The following PIGU variants were observed in gnomAD, a reference collection of about 807,000 sequenced individuals.
PIGU encodes GPI-anchor transamidase component PIGU.
PIGU carries 24 observed loss-of-function variants against 49.9 expected under a neutral mutation model. That is an observed-to-expected ratio of 0.48 (90% confidence interval 0.35 to 0.68). The LOEUF is 0.68. Ranked by LOEUF, PIGU falls within the 30% of genes least tolerant of loss-of-function variation. The pLI, the probability that PIGU is intolerant of heterozygous loss-of-function variation, is 0.01. For missense variants in PIGU, 490 were observed against 532.6 expected (o/e 0.92, Z 0.79); for synonymous variants, 220 against 205.7 (o/e 1.07, Z -0.59).
chr20:34,632,391 C>T lies in PIGU; in HGVS notation c.529+2224G>A, dbSNP rs1276535400. Among the ~76,000 whole-genome samples, 12 of 146,224 alleles carry T rather than the reference C, an allele frequency of 8.2e-5. No individual in the cohort carries two copies. The South Asian group carries it at 1.9e-3, about 24-fold the overall frequency. ...TATACCCTTTTTTTTTTTTTTGAGACGGAGTCTCACTCTGTCGCCCATGCT... is the reference window on the plus strand; with the variant it reads ...TATACCCTTTTTTTTTTTTTTGAGATGGAGTCTCACTCTGTCGCCCATGCT... On this transcript the variant is annotated intron_variant, in intron 6 of 11. Coordinates refer to ENST00000217446, the MANE Select transcript of PIGU (RefSeq NM_080476.5).
chr20:34,580,684 A>G (rs1459651024), intron 10 of PIGU, among the ~76,000 whole-genome samples: 1 of 152,210 alleles, frequency 6.6e-6, no homozygotes, highest in East Asian at 1.9e-4. Context: ...AACCCGCTCC[A>G]CAAATGTTTG....
intron 6 of PIGU, among the ~76,000 whole-genome samples, chr20:34,628,593 G>A (rs1296683145): frequency 1.3e-5 from 2 of 152,140 alleles, no homozygotes; most frequent in Non-Finnish European, 2.9e-5. Flanking sequence ...GCTCACACCT[G>A]TAACCCCAGC....
intron 11 of PIGU, among the ~76,000 whole-genome samples, chr20:34,572,363 T>C (rs1031279677): frequency 6.6e-6 from 1 of 151,854 alleles, no homozygotes; most frequent in Non-Finnish European, 1.5e-5. Flanking sequence ...AGTGACAAAA[T>C]AGGCTGGGCG....
In PIGU at chr20:34,643,274, C is replaced by T. The variant is rs541711889; in HGVS notation, c.318+890G>A. 4.6e-5 allele frequency among the ~76,000 whole-genome samples: 7 copies of T among 152,236 alleles called. No individual in the cohort carries two copies. The South Asian group carries it at 1.0e-3, about 23-fold the overall frequency. ...CATATAATTCTCCATACCATTTCCA[C>T]AGTTTTATAGGCCCATTAAGGCCAA... On this transcript the variant is annotated intron_variant, in intron 4 of 11. Coordinates refer to ENST00000217446, the MANE Select transcript of PIGU (RefSeq NM_080476.5).
chr20:34,608,178 G>T (rs566060203), intron 7 of PIGU, among the ~76,000 whole-genome samples: 2 of 150,756 alleles, frequency 1.3e-5, no homozygotes, highest in East Asian at 3.9e-4. Context: ...AGGTTCAAGC[G>T]ATTCTCGTGC....
At chr20:34,604,449 C>T (rs1984540683) in intron 7 of PIGU, among the ~76,000 whole-genome samples, 1 of 152,090 alleles carries the variant, frequency 6.6e-6, no homozygotes, top group Non-Finnish European at 1.5e-5. Flanking sequence ...AAGAAGAGAT[C>T]CAGGAGATAT....
At chr20:34,640,557 T>A (rs1204971781) in intron 4 of PIGU, among the ~76,000 whole-genome samples, 1 of 150,458 alleles carries the variant, frequency 6.6e-6, no homozygotes, top group Admixed American at 6.6e-5. Flanking sequence ...AATATAAGTA[T>A]AAAATGAAGT....
At chr20:34,574,976 G>T in intron 11 of PIGU, 128 bp downstream of exon 11, 1 of 1,267,894 alleles carries the variant, frequency 7.9e-7, no homozygotes. Flanking sequence ...GGAGCTACTT[G>T]AGGGGAGTAA....
intron 7 of PIGU, among the ~76,000 whole-genome samples, chr20:34,614,495 C>T (rs987592704): frequency 6.6e-6 from 1 of 151,608 alleles, no homozygotes; most frequent in Non-Finnish European, 1.5e-5. Flanking sequence ...TGTGGTGGCA[C>T]ACACCTGTAG....
chr20:34,562,856 GC>G (rs1206037704), intron 11 of PIGU, among the ~76,000 whole-genome samples: 3 of 152,206 alleles, frequency 2.0e-5, no homozygotes, highest in African/African-American at 7.2e-5. Context: ...ATACCCTGCA[GC>G]CCTTTCTCAC....
intron 11 of PIGU, among the ~76,000 whole-genome samples, chr20:34,574,124 AT>A (rs1253254799): frequency 1.3e-5 from 2 of 152,250 alleles, no homozygotes; most frequent in African/African-American, 4.8e-5. Flanking sequence ...GGTACAAGTG[AT>A]TCTCAAAAGA....
chr20:34,561,006 G>C (rs749476029), intron 11 of PIGU, 27 bp from the exon 12 acceptor site: 2 of 1,506,676 alleles, frequency 1.3e-6, no homozygotes, highest in Non-Finnish European at 1.8e-6. Context: ...GGTGTGAGGC[G>C]CTGCTGGGTA....
intron 4 of PIGU, among the ~76,000 whole-genome samples, chr20:34,638,731 G>C (rs985147550): frequency 1.3e-5 from 2 of 152,154 alleles, no homozygotes; most frequent in Admixed American, 1.3e-4. Flanking sequence ...GGTGTGGGTG[G>C]GCAGCTGGAT....
chr20:34,635,195 A>C (rs1420524522), intron 5 of PIGU, among the ~76,000 whole-genome samples: 1 of 152,222 alleles, frequency 6.6e-6, no homozygotes, highest in Non-Finnish European at 1.5e-5. Flanking sequence ...TATCTCAAGA[A>C]TAGCTACATT....
intron 11 of PIGU, among the ~76,000 whole-genome samples, chr20:34,563,768 C>G (rs2146688028): frequency 6.6e-6 from 1 of 152,226 alleles, no homozygotes; most frequent in Non-Finnish European, 1.5e-5. Context: ...CTCACTTCCT[C>G]CTGAGGAGCA....
At position 34,616,154 on chromosome 20, in the gene PIGU, A is replaced by C. The variant is rs761962867; in HGVS notation, c.530-15T>G. 8.1e-6 allele frequency: 13 copies of C among 1,611,656 alleles called. No individual in the cohort carries two copies. In the South Asian group the frequency reaches 1.4e-4, roughly 18 times the overall value. On this transcript the variant is annotated splice_polypyrimidine_tract_variant and intron_variant, in intron 6 of 11. Transcript: ENST00000217446. ...GAAAGCACTGCCTGTAAAAAGAAAG[A>C]AATGTATGGAATAATCCAGCCTCAT...
chr20:34,676,316 C>CT (rs1395348319), intron 1 of PIGU, among the ~76,000 whole-genome samples: 1 of 152,190 alleles, frequency 6.6e-6, no homozygotes, highest in Non-Finnish European at 1.5e-5. Context: ...ATAAAGTATA[C>CT]TTTTCATGAA....
chr20:34,652,861 T>G (rs959871083), intron 2 of PIGU, among the ~76,000 whole-genome samples: 1 of 152,208 alleles, frequency 6.6e-6, no homozygotes. Context: ...AGCCTTGTTT[T>G]ATAGACCAGA....
intron 11 of PIGU, among the ~76,000 whole-genome samples, chr20:34,572,750 G>C (rs1030770437): frequency 1.3e-5 from 2 of 152,192 alleles, no homozygotes; most frequent in Non-Finnish European, 2.9e-5. Context: ...GGATGTTACA[G>C]AGGTATTAAA....
Sources: allele counts gnomAD v4.1 joint callset (sites outside exome capture counted in the v4.1 genomes callset), GRCh38; gene constraint gnomAD v4.1.1; transcripts MANE v1.5; gene names NCBI Gene and HGNC (gene_info 2026-07-23, HGNC 2026-07-21).